The following SFMBT2 variants were observed in gnomAD, a reference collection of about 807,000 sequenced individuals.
SFMBT2 encodes Scm like with four mbt domains 2, also known as scm-like with four MBT domains protein 2.
SFMBT2 carries 38 observed loss-of-function variants against 110.1 expected under a neutral mutation model. The observed-to-expected ratio is 0.35, with a 90% CI of 0.27 to 0.45. SFMBT2 has a LOEUF of 0.45. SFMBT2 is among the 20% of genes least tolerant of loss of function. The pLI is 1.00. For synonymous variants in SFMBT2, 425 were observed against 425.4 expected, an observed-to-expected ratio of 1.00 and a Z score of 0.01; for missense variants, 1,011 against 1,094.9, an observed-to-expected ratio of 0.92 and a Z score of 1.08.
At chr10:7,205,959 C>T (rs1258862415) in intron 11 of SFMBT2, 31 bp from the exon 12 acceptor site, 5 of 1,611,562 alleles carry the variant, frequency 3.1e-6, no homozygotes, top group Non-Finnish European at 3.4e-6. Context: ...ACAAGAGGTA[C>T]AAACAGATCT....
At chr10:7,372,464 T>G (rs1420676228) in intron 2 of SFMBT2, among the ~76,000 whole-genome samples, 1 of 152,172 alleles carries the variant, frequency 6.6e-6, no homozygotes, top group East Asian at 1.9e-4. Context: ...AGAAAACCTT[T>G]CCTTGGTGGT....
At chr10:7,183,916 G>A (rs577030310) in intron 16 of SFMBT2, among the ~76,000 whole-genome samples, 1 of 152,116 alleles carries the variant, frequency 6.6e-6, no homozygotes, top group Non-Finnish European at 1.5e-5. Flanking sequence ...GCACTCCCTC[G>A]GTATGAGGGT....
At chr10:7,216,925 C>T (rs1431506773) in intron 11 of SFMBT2, among the ~76,000 whole-genome samples, 1 of 152,236 alleles carries the variant, frequency 6.6e-6, no homozygotes, top group Non-Finnish European at 1.5e-5. Flanking sequence ...ACTCTTCAGT[C>T]CTCCATTAAC....
At chr10:7,332,330 TAATAA>T (rs1052588866) in intron 4 of SFMBT2, among the ~76,000 whole-genome samples, 11 of 152,168 alleles carry the variant, frequency 7.2e-5, no homozygotes, top group Non-Finnish European at 1.5e-4. Flanking sequence ...GAATGTGTGT[TAATAA>T]GACAAAAACA....
chr10:7,205,508 T>A, intron 12 of SFMBT2: 5 of 977,150 alleles, frequency 5.1e-6, no homozygotes, highest in Non-Finnish European at 6.0e-6. Context: ...TAATATAGTA[T>A]CTAACATATT....
chr10:7,328,475 T>A (rs1843464411), intron 4 of SFMBT2, among the ~76,000 whole-genome samples: 2 of 152,256 alleles, frequency 1.3e-5, no homozygotes, highest in Non-Finnish European at 2.9e-5. Context: ...TTCATTTTGA[T>A]GAAGTCCACT....
chr10:7,405,611 G>A (rs1846189280), intron 1 of SFMBT2, among the ~76,000 whole-genome samples: 1 of 152,172 alleles, frequency 6.6e-6, no homozygotes, highest in Non-Finnish European at 1.5e-5. Flanking sequence ...GGGAACATGA[G>A]TATGAAAGAT....
At chr10:7,329,528 C>G in intron 4 of SFMBT2, 1 of 985,382 alleles carries the variant, frequency 1.0e-6, no homozygotes, top group Non-Finnish European at 1.2e-6. Flanking sequence ...GCTGCTGCTG[C>G]AGGTACCTCT....
intron 10 of SFMBT2, among the ~76,000 whole-genome samples, chr10:7,222,451 C>T (rs181360271): frequency 3.3e-5 from 5 of 152,322 alleles, no homozygotes; most frequent in African/African-American, 1.2e-4. Context: ...AGGGTGTCAG[C>T]AGGGGTGGCT....
At chr10:7,180,013 G>A (rs758172349) in intron 16 of SFMBT2, among the ~76,000 whole-genome samples, 7 of 152,238 alleles carry the variant, frequency 4.6e-5, no homozygotes, top group African/African-American at 7.2e-5. Flanking sequence ...GATAGGGCAC[G>A]GGCTGGGGAA....
rs1309936831 is a variant in SFMBT2 at position 7,161,532 on chromosome 10, G to A, written c.*2238C>T. 1 of 152,204 alleles carries A rather than the reference G, an allele frequency of 6.6e-6. No individual in the cohort carries two copies. Among genetic ancestry groups the A allele is most frequent in the East Asian group, 1.9e-4 (1 of 5,188 alleles). 9.4% of individuals were successfully genotyped at this position (152,204 alleles called of 1,614,324 possible). On this transcript the variant is annotated 3_prime_UTR_variant, in exon 21 of 21. Transcript: ENST00000397167. ...GCATGTGGCTGAGAAGGCAGGGGTGGAAAACCGCAGAGAGTTCAAAACTTG... is the reference window on the plus strand; with the variant it reads ...GCATGTGGCTGAGAAGGCAGGGGTGAAAAACCGCAGAGAGTTCAAAACTTG...
Position 7,171,332 on chromosome 10 carries a change from T to C in SFMBT2, c.2416-276A>G. 2.1e-5 allele frequency: 20 copies of C among 970,552 alleles called. No individual in the cohort carries two copies. The highest frequency in any genetic ancestry group is 2.2e-5 in the Non-Finnish European group (18 of 816,364). 60.1% of individuals were successfully genotyped at this position (970,552 alleles called of 1,614,324 possible). A position where few individuals can be genotyped will look rare whatever the true frequency, so the allele number is the denominator to read the frequency against. On this transcript the variant is annotated intron_variant, in intron 19 of 20. Transcript: ENST00000397167. The surrounding 1 kb of genome is among the most constrained non-coding windows in gnomAD (Gnocchi z 4.9). ...TCCCTAGTTCAGGAAACCTTGGGCC[T>C]GCTTATGAACGAAGCATCTCTGATT...
At chr10:7,280,578 A>G (rs935602106) in intron 6 of SFMBT2, among the ~76,000 whole-genome samples, 1 of 152,228 alleles carries the variant, frequency 6.6e-6, no homozygotes, top group African/African-American at 2.4e-5. Flanking sequence ...CCCTAACCTC[A>G]ATGACGTACT....
intron 4 of SFMBT2, among the ~76,000 whole-genome samples, chr10:7,331,333 C>A (rs531096696): frequency 1.6e-4 from 25 of 152,198 alleles, no homozygotes; most frequent in Non-Finnish European, 3.4e-4. Flanking sequence ...TTCTCACTAT[C>A]CACTGGGACA....
chr10:7,375,068 C>T (rs191736964), intron 2 of SFMBT2, among the ~76,000 whole-genome samples: 1 of 152,220 alleles, frequency 6.6e-6, no homozygotes, highest in African/African-American at 2.4e-5. Context: ...GAAGTATTTC[C>T]CCATGATGTC....
chr10:7,399,455 C>T (rs1846015031), intron 1 of SFMBT2, among the ~76,000 whole-genome samples: 1 of 152,182 alleles, frequency 6.6e-6, no homozygotes, highest in Admixed American at 6.5e-5. Flanking sequence ...TAGTCTTGAA[C>T]TCCTGACCTC....
At chr10:7,165,368 T>C (rs917540004) in intron 20 of SFMBT2, among the ~76,000 whole-genome samples, 1 of 152,220 alleles carries the variant, frequency 6.6e-6, no homozygotes, top group Non-Finnish European at 1.5e-5. Context: ...TTTAGCTGTC[T>C]TGAAAATATC....
chr10:7,206,375 A>C (rs190789639), intron 11 of SFMBT2: 1,271 of 985,448 alleles, frequency 1.3e-3, no homozygotes, highest in Non-Finnish European at 1.4e-3. Flanking sequence ...TGCTCCACCT[A>C]ACACCAAGTA....
chr10:7,305,935 C>T (rs942892938), intron 4 of SFMBT2, among the ~76,000 whole-genome samples: 4 of 152,214 alleles, frequency 2.6e-5, no homozygotes, highest in African/African-American at 4.8e-5. Flanking sequence ...TACTGGAACA[C>T]GATTCAAAGC....
Sources: gnomAD v4.1 joint callset for allele counts (sites outside exome capture counted in the v4.1 genomes callset) on GRCh38, gnomAD v4.1.1 for gene constraint, Gnocchi (gnomAD v3.1) non-coding constraint, MANE v1.5 for transcripts, NCBI Gene and HGNC (gene_info 2026-07-23, HGNC 2026-07-21) for gene names.